Variants in PLCL2 observed in about 807,000 individuals in gnomAD.
PLCL2 encodes the protein phospholipase C like 2.
A neutral mutation model predicts 79.6 loss-of-function variants in PLCL2; 4 were observed. The observed-to-expected ratio is 0.05, with a 90% CI of 0.02 to 0.11. PLCL2 has a LOEUF of 0.11. Ranked by LOEUF, PLCL2 falls within the 10% of genes least tolerant of loss-of-function variation. The pLI is 1.00. For missense variants in PLCL2, 895 were observed against 1,291.0 expected (o/e 0.69, Z 4.70); for synonymous variants, 484 against 457.7 (o/e 1.06, Z -0.73).
intron 1 of PLCL2, among the ~76,000 whole-genome samples, chr3:16,918,498 G>A (rs770665533): frequency 6.6e-6 from 1 of 152,096 alleles, no homozygotes; most frequent in African/African-American, 2.4e-5. Flanking sequence ...TAGGAAAATA[G>A]TCTCTTTATG....
intron 5 of PLCL2, among the ~76,000 whole-genome samples, chr3:17,082,030 AC>A (rs1409012222): frequency 1.3e-5 from 2 of 151,660 alleles, no homozygotes; most frequent in African/African-American, 4.8e-5. Flanking sequence ...AAAACCAGAC[AC>A]CCTGTGTCAG....
At chr3:17,078,480 C>T (rs865857440) in intron 5 of PLCL2, among the ~76,000 whole-genome samples, 2 of 151,700 alleles carry the variant, frequency 1.3e-5, no homozygotes, top group Non-Finnish European at 1.5e-5. Context: ...GCATCTATAT[C>T]GTATCTTGGA....
chr3:17,068,713 A>G (rs1186957353), intron 5 of PLCL2, among the ~76,000 whole-genome samples: 1 of 152,186 alleles, frequency 6.6e-6, no homozygotes, highest in Non-Finnish European at 1.5e-5. Flanking sequence ...CAATCCCATC[A>G]TCGAGAGACA....
At chr3:17,071,220 A>T (rs2065057341) in intron 5 of PLCL2, among the ~76,000 whole-genome samples, 2 of 152,176 alleles carry the variant, frequency 1.3e-5, no homozygotes, top group South Asian at 4.1e-4. Context: ...GCAAACTGGG[A>T]CCATTGATCA....
At chr3:16,986,268 A>T (rs1234160786) in intron 1 of PLCL2, among the ~76,000 whole-genome samples, 1 of 152,168 alleles carries the variant, frequency 6.6e-6, no homozygotes. Context: ...AGTTGGGTTC[A>T]CACAAGGTAA....
intron 1 of PLCL2, among the ~76,000 whole-genome samples, chr3:17,001,840 G>A (rs2064214443): frequency 6.6e-6 from 1 of 150,840 alleles, no homozygotes; most frequent in South Asian, 2.1e-4. Flanking sequence ...GCTATTTGGG[G>A]TCTTTTGGGG....
Position 16,958,029 on chromosome 3 carries a change from T to G in PLCL2, c.328-51645T>G, listed in dbSNP as rs572173986. ...AATTGGAGCATGCAGTCCATTTACA[T>G]TTAAAGTTAATATTGTTATATGTGG... On this transcript the variant is annotated intron_variant, in intron 1 of 5. Transcript: ENST00000615277. Among the ~76,000 whole-genome samples the G allele has an allele frequency of 2.0e-5, 3 of 152,310 alleles. No individual in the cohort carries two copies. In the East Asian group the frequency reaches 5.8e-4, roughly 29 times the overall value.
At chr3:16,993,386 A>G (rs1216257294) in intron 1 of PLCL2, among the ~76,000 whole-genome samples, 5 of 152,076 alleles carry the variant, frequency 3.3e-5, no homozygotes, top group Non-Finnish European at 5.9e-5. Context: ...TCCTGTCAGA[A>G]CCTTCTGTTG....
intron 5 of PLCL2, among the ~76,000 whole-genome samples, chr3:17,082,083 T>C (rs1285960521): frequency 6.6e-6 from 1 of 152,080 alleles, no homozygotes; most frequent in Non-Finnish European, 1.5e-5. Flanking sequence ...TTTTCAAGTC[T>C]TTTGAAGCAA....
intron 4 of PLCL2, among the ~76,000 whole-genome samples, chr3:17,048,555 G>A (rs188643867): frequency 1.3e-5 from 2 of 152,186 alleles, no homozygotes; most frequent in Admixed American, 6.5e-5. Context: ...CATACATGAC[G>A]TCTTTCACAG....
chr3:17,040,067 A>G (rs762137120), intron 3 of PLCL2, among the ~76,000 whole-genome samples: 11 of 152,190 alleles, frequency 7.2e-5, no homozygotes, highest in Non-Finnish European at 1.2e-4. Flanking sequence ...CTTTTTAGTT[A>G]TTCTTTGTGC....
intron 1 of PLCL2, among the ~76,000 whole-genome samples, chr3:16,903,204 G>A (rs1364039739): frequency 9.9e-5 from 15 of 152,136 alleles, no homozygotes; most frequent in Non-Finnish European, 2.2e-4. Context: ...TGGGATATCA[G>A]TTCTTATCCT....
chr3:16,930,878 C>T (rs1346880216), intron 1 of PLCL2, among the ~76,000 whole-genome samples: 2 of 152,136 alleles, frequency 1.3e-5, no homozygotes, highest in African/African-American at 4.8e-5. Context: ...ATCTTGGCAC[C>T]ATCTTTATCT....
intron 1 of PLCL2, among the ~76,000 whole-genome samples, chr3:16,961,771 A>G (rs1339825489): frequency 6.6e-6 from 1 of 152,192 alleles, no homozygotes; most frequent in Non-Finnish European, 1.5e-5. Flanking sequence ...GTTGTGGGAT[A>G]GGGAGGAAGG....
At chr3:17,028,594 A>G (rs2064543969) in intron 3 of PLCL2, among the ~76,000 whole-genome samples, 1 of 151,464 alleles carries the variant, frequency 6.6e-6, no homozygotes, top group Non-Finnish European at 1.5e-5. Flanking sequence ...CTCCTGCCTC[A>G]GCCTCCTGAG....
chr3:17,047,321 T>C (rs2064791078), intron 4 of PLCL2, among the ~76,000 whole-genome samples: 2 of 152,126 alleles, frequency 1.3e-5, no homozygotes, highest in African/African-American at 4.8e-5. Context: ...CCTGCTGGCT[T>C]CCCTGCTTTC....
intron 1 of PLCL2, among the ~76,000 whole-genome samples, chr3:16,941,124 C>A (rs145836776): frequency 6.6e-6 from 1 of 152,330 alleles, no homozygotes; most frequent in African/African-American, 2.4e-5. Context: ...AGTCCTTTGT[C>A]CCCTGTTCTC....
At chr3:16,896,074 T>C (rs1468135489) in intron 1 of PLCL2, among the ~76,000 whole-genome samples, 1 of 152,224 alleles carries the variant, frequency 6.6e-6, no homozygotes, top group Non-Finnish European at 1.5e-5. Flanking sequence ...TAGGATTTTT[T>C]TTCTGGAAGT....
chr3:17,027,330 T>C (rs944345814), intron 3 of PLCL2, among the ~76,000 whole-genome samples: 1 of 152,240 alleles, frequency 6.6e-6, no homozygotes, highest in African/African-American at 2.4e-5. Flanking sequence ...TCTTGTGATA[T>C]GAAAGTCATA....
Sources: allele counts gnomAD v4.1 joint callset (sites outside exome capture counted in the v4.1 genomes callset), GRCh38; gene constraint gnomAD v4.1.1; transcripts MANE v1.5; gene names NCBI Gene and HGNC (gene_info 2026-07-23, HGNC 2026-07-21).